The following SLC48A1 variants were observed in gnomAD, a reference collection of about 807,000 sequenced individuals.
SLC48A1 encodes heme transporter HRG1.
A neutral mutation model predicts 14.8 loss-of-function variants in SLC48A1; 6 were observed. That is an observed-to-expected ratio of 0.41 (90% CI 0.22 to 0.80). SLC48A1 has a LOEUF of 0.80. Ranked by LOEUF, SLC48A1 falls within the 30% of genes least tolerant of loss-of-function variation. The pLI is 0.34. For synonymous variants in SLC48A1, 89 were observed against 90.0 expected (o/e 0.99, Z 0.06); for missense variants, 165 against 204.8 (o/e 0.81, Z 1.19).
chr12:47,756,978 A>AG (rs1330800001), upstream of SLC48A1, among the ~76,000 whole-genome samples: 2 of 151,908 alleles, frequency 1.3e-5, no homozygotes, highest in African/African-American at 4.8e-5. Flanking sequence ...AAAAAAAAAA[A>AG]AAGAAAGAAA....
chr12:47,773,588 C>T (rs1942674944), intron 1 of SLC48A1, 148 bp downstream of exon 1: 1 of 1,206,350 alleles, frequency 8.3e-7, no homozygotes, highest in African/African-American at 1.6e-5. Context: ...GCGGCAGGCC[C>T]CACGCGGGCC....
chr12:47,758,787 C>T, intron 1 of SLC48A1: 1 of 1,229,488 alleles, frequency 8.1e-7, no homozygotes, highest in East Asian at 3.2e-5. Context: ...TGGGGGGACG[C>T]CACCCAGCCA....
At chr12:47,763,921 G>A (rs1041544292) in intron 2 of SLC48A1, among the ~76,000 whole-genome samples, 1 of 152,184 alleles carries the variant, frequency 6.6e-6, no homozygotes, top group Non-Finnish European at 1.5e-5. Context: ...CATGCATGGC[G>A]GAGATGAGGA....
intron 2 of SLC48A1, 103 bp downstream of exon 2, chr12:47,779,298 T>C: frequency 7.1e-7 from 1 of 1,402,648 alleles, no homozygotes; most frequent in South Asian, 1.5e-5. Context: ...AGAGACTGGG[T>C]GAATTACTTA....
At chr12:47,758,644 C>A in exon 1 of SLC48A1, 1 of 1,593,502 alleles carries the variant, frequency 6.3e-7, no homozygotes. Context: ...ATAAGGGGAT[C>A]CGGAGGGTGC....
At chr12:47,771,324 G>A (rs79090998), upstream of SLC48A1, among the ~76,000 whole-genome samples, 19,525 of 151,960 alleles carry the variant, frequency 0.13, 1,588 homozygotes, top group Non-Finnish European at 0.18. Flanking sequence ...ATTTATTAAG[G>A]GGTCATTATA....
At position 47,779,155 on chromosome 12, in the gene SLC48A1, C is replaced by T. The variant is rs182205571; in HGVS notation, c.264C>T (p.Ala88=). The change falls in exon 2 of 3, where the codon GCC becomes GCT. Residue 88 remains alanine (A), a synonymous_variant. Coordinates refer to ENST00000442218, the MANE Select transcript of SLC48A1 (RefSeq NM_017842.3). ...TCTTCTCGGCCGTCTCCATCGCTGC[C>T]TTCTGCACCTTCCTCGTGCTGGCCA... is the stretch of plus-strand genomic sequence containing the variant. ...GVLFSAVSIA[A]FCTFLVLAIT... is the part of the protein sequence containing the mutation. The T allele has an allele frequency of 1.3e-4, 208 of 1,551,908 alleles. No individual in the cohort carries two copies. In the Admixed American group the frequency reaches 4.0e-3, roughly 30 times the overall value.
upstream of SLC48A1, chr12:47,758,361 A>G: frequency 2.0e-6 from 3 of 1,468,642 alleles, no homozygotes; most frequent in Non-Finnish European, 2.7e-6. Context: ...CCCTGCAGGG[A>G]TCTCCACTAC....
upstream of SLC48A1, chr12:47,770,948 T>C: frequency 2.2e-6 from 1 of 456,582 alleles, no homozygotes; most frequent in Non-Finnish European, 4.4e-6. Flanking sequence ...TGGCCAGCTC[T>C]GAAGCCATCC....
chr12:47,758,854 C>T, intron 1 of SLC48A1: 1 of 1,188,202 alleles, frequency 8.4e-7, no homozygotes, highest in Non-Finnish European at 1.0e-6. Flanking sequence ...AGCCAGCTGG[C>T]ACCGGGCGCT....
upstream of SLC48A1, among the ~76,000 whole-genome samples, chr12:47,756,843 C>T (rs1486687976): frequency 6.6e-6 from 1 of 152,010 alleles, no homozygotes; most frequent in East Asian, 1.9e-4. Context: ...GTGGCGCACA[C>T]CTGTAGCCCC....
chr12:47,758,448 C>T, upstream of SLC48A1: 1 of 1,582,608 alleles, frequency 6.3e-7, no homozygotes, highest in East Asian at 2.3e-5. Context: ...CTCTCCTCCT[C>T]AGCCCTGACT....
At chr12:47,772,054 C>T (rs935892798), upstream of SLC48A1, 2 of 154,708 alleles carry the variant, frequency 1.3e-5, no homozygotes, top group Middle Eastern at 5.2e-4. Flanking sequence ...ACCTACAGAA[C>T]TGTAAAATAA....
chr12:47,771,275 T>C (rs1213966057), upstream of SLC48A1, among the ~76,000 whole-genome samples: 1 of 152,232 alleles, frequency 6.6e-6, no homozygotes, highest in Non-Finnish European at 1.5e-5. Context: ...TTTATTTTAT[T>C]CTTACCTTCA....
intron 2 of SLC48A1, among the ~76,000 whole-genome samples, chr12:47,762,197 C>T (rs991268014): frequency 2.0e-5 from 3 of 152,082 alleles, no homozygotes; most frequent in Admixed American, 6.5e-5. Flanking sequence ...CAGGTGGCAG[C>T]GGCTCCCATG....
chr12:47,762,069 C>G (rs1179025172), intron 2 of SLC48A1, among the ~76,000 whole-genome samples: 1 of 152,124 alleles, frequency 6.6e-6, no homozygotes, highest in Admixed American at 6.5e-5. Flanking sequence ...AGCCATTTGC[C>G]CACACCTTGG....
At chr12:47,755,489 T>A (rs532738685), upstream of SLC48A1, among the ~76,000 whole-genome samples, 2 of 152,230 alleles carry the variant, frequency 1.3e-5, no homozygotes, top group Non-Finnish European at 2.9e-5. Context: ...CAGACTTCCC[T>A]GAGCTAGTAG....
chr12:47,770,854 TAC>T (rs1477707057), upstream of SLC48A1: 1 of 456,616 alleles, frequency 2.2e-6, no homozygotes, highest in Non-Finnish European at 4.4e-6. Context: ...ACAAACGACT[TAC>T]AGTTTCCCAA....
At chr12:47,758,754 T>C in intron 1 of SLC48A1, 1 of 1,265,406 alleles carries the variant, frequency 7.9e-7, no homozygotes, top group Non-Finnish European at 1.0e-6. Flanking sequence ...TCCTCTTGGG[T>C]GAGTAGAGGG....
Sources: allele counts gnomAD v4.1 joint callset (sites outside exome capture counted in the v4.1 genomes callset), GRCh38; gene constraint gnomAD v4.1.1; transcripts MANE v1.5; gene names NCBI Gene and HGNC (gene_info 2026-07-23, HGNC 2026-07-21).